ANK2: variants seen among roughly 807,000 people sequenced by gnomAD.
ANK2 encodes ankyrin-2.
In ANK2, 83 loss-of-function variants were observed where a neutral mutation model predicts 360.5. The ratio of observed to expected loss-of-function variants is 0.23; its 90% CI spans 0.19 to 0.28. The LOEUF (loss-of-function observed/expected upper bound fraction) is 0.28, where lower values mean the gene tolerates loss of function less well. Ranked by LOEUF, ANK2 falls within the 10% of genes least tolerant of loss-of-function variation. The pLI is 1.00. For synonymous variants in ANK2, 1,740 were observed against 1,759.5 expected (o/e 0.99, Z 0.28); for missense variants, 4,201 against 4,795.7 (o/e 0.88, Z 3.66).
At chr4:112,721,287 C>A in the ANK2 span, among the ~76,000 whole-genome samples, 5 of 152,096 alleles carry the variant, frequency 3.3e-5, no homozygotes, top group African/African-American at 7.2e-5. Context: ...CACCTGTAAT[C>A]CCAGCACTTT....
At chr4:113,093,872 A>G (rs2089774105) in intron 1 of ANK2, among the ~76,000 whole-genome samples, 1 of 152,210 alleles carries the variant, frequency 6.6e-6, no homozygotes, top group African/African-American at 2.4e-5. Flanking sequence ...CTTTTATGTT[A>G]GTAGAGTCTG....
intron 2 of ANK2, among the ~76,000 whole-genome samples, chr4:112,924,088 T>A (rs551845225): frequency 3.8e-4 from 58 of 152,288 alleles, no homozygotes; most frequent in African/African-American, 1.3e-3. Context: ...AGATGTGAGC[T>A]GGCTGGCGCA....
chr4:112,742,788 G>A, the ANK2 span, among the ~76,000 whole-genome samples: 22 of 151,056 alleles, frequency 1.5e-4, no homozygotes, highest in African/African-American at 4.9e-4. Context: ...ACAGTGGCAT[G>A]ATCTCGGCTC....
intron 1 of ANK2, among the ~76,000 whole-genome samples, chr4:112,902,449 C>A (rs969009435): frequency 4.6e-5 from 7 of 152,334 alleles, no homozygotes; most frequent in Admixed American, 3.3e-4. Flanking sequence ...ACTTGGTCCA[C>A]AATTAATATT....
At chr4:113,007,306 C>A (rs1464248704) in intron 2 of ANK2, among the ~76,000 whole-genome samples, 1 of 152,154 alleles carries the variant, frequency 6.6e-6, no homozygotes, top group Non-Finnish European at 1.5e-5. Flanking sequence ...CGTTTTCACA[C>A]ATATGGCCAC....
At chr4:112,797,140 AT>A in the ANK2 span, 3 of 190,672 alleles carry the variant, frequency 1.6e-5, no homozygotes, top group Admixed American at 5.0e-5. Context: ...GCTAAGGGCA[AT>A]TTTTTTCTCC....
intron 1 of ANK2, among the ~76,000 whole-genome samples, chr4:112,860,375 C>T (rs530884748): frequency 2.6e-4 from 40 of 152,180 alleles, no homozygotes; most frequent in East Asian, 7.8e-4. Flanking sequence ...TACAGGTGCG[C>T]GCCACCATGC....
At chr4:113,224,089 A>C (rs1356343689) in intron 4 of ANK2, among the ~76,000 whole-genome samples, 1 of 152,162 alleles carries the variant, frequency 6.6e-6, no homozygotes, top group Non-Finnish European at 1.5e-5. Flanking sequence ...AAGGGCAGTG[A>C]CTTTTAAACC....
the ANK2 span, among the ~76,000 whole-genome samples, chr4:112,735,557 C>T: frequency 6.6e-6 from 1 of 152,134 alleles, no homozygotes; most frequent in Admixed American, 6.6e-5. Flanking sequence ...CATCTTCCCA[C>T]AAGGGGGCTT....
chr4:113,246,974 C>T (rs774254240), intron 9 of ANK2, among the ~76,000 whole-genome samples: 2 of 152,022 alleles, frequency 1.3e-5, no homozygotes, highest in Non-Finnish European at 2.9e-5. Flanking sequence ...TCAGCAGAGC[C>T]TACCCATGTA....
At chr4:112,787,326 G>T in the ANK2 span, among the ~76,000 whole-genome samples, 1 of 152,050 alleles carries the variant, frequency 6.6e-6, no homozygotes, top group Non-Finnish European at 1.5e-5. Context: ...TACTCCCCTC[G>T]ATAAACCCTC....
chr4:112,721,056 C>T, the ANK2 span, among the ~76,000 whole-genome samples: 1 of 152,038 alleles, frequency 6.6e-6, no homozygotes, highest in African/African-American at 2.4e-5. Context: ...AATCCCAGAA[C>T]CCCCAAGGTT....
intron 20 of ANK2, among the ~76,000 whole-genome samples, chr4:113,289,406 A>G (rs1362046991): frequency 6.6e-6 from 1 of 151,732 alleles, no homozygotes; most frequent in African/African-American, 2.4e-5. Context: ...ATGAGGTTTC[A>G]CTGTGTTGCC....
At chr4:112,730,069 T>A in the ANK2 span, among the ~76,000 whole-genome samples, 1 of 151,356 alleles carries the variant, frequency 6.6e-6, no homozygotes. Flanking sequence ...GCCTGGCCAA[T>A]ATGGTGAAAC....
chr4:112,750,427 A>T, the ANK2 span, among the ~76,000 whole-genome samples: 1 of 152,210 alleles, frequency 6.6e-6, no homozygotes. Flanking sequence ...ATATGTTTAG[A>T]TACACAAATA....
At chr4:112,929,146 C>G (rs562998922) in intron 2 of ANK2, among the ~76,000 whole-genome samples, 119 of 152,326 alleles carry the variant, frequency 7.8e-4, no homozygotes, top group African/African-American at 2.7e-3. Flanking sequence ...AGCCACCACA[C>G]CCAGCCTCCA....
At chr4:112,707,667 G>A in the ANK2 span, among the ~76,000 whole-genome samples, 1 of 151,994 alleles carries the variant, frequency 6.6e-6, no homozygotes, top group Non-Finnish European at 1.5e-5. Context: ...ATATATGTAT[G>A]CACACATACA....
chr4:113,075,485 T>C (rs2079546461), intron 1 of ANK2, among the ~76,000 whole-genome samples: 1 of 152,192 alleles, frequency 6.6e-6, no homozygotes. Flanking sequence ...ACATCACCTC[T>C]GAAAATGCAT....
Position 113,151,151 on chromosome 4 carries a change from A to G in ANK2, c.85-23265A>G, listed in dbSNP as rs752241640. 9.3e-6 allele frequency: 12 copies of G among 1,284,956 alleles called. 1 individual carries two copies. In the South Asian group the frequency reaches 1.4e-4, roughly 15 times the overall value. The allele number at this position is 1,284,956 out of a possible 1,614,324, so 79.6% of individuals were successfully genotyped here. ...TGATGGAAGCAAAAAAACACTTCTA[A>G]AAACAGTAAAGACGTTGGTAACTAA... On this transcript the variant is annotated intron_variant, in intron 1 of 45. Coordinates refer to ENST00000357077, the MANE Select transcript of ANK2 (RefSeq NM_001148.6).
Sources: allele counts gnomAD v4.1 joint callset (sites outside exome capture counted in the v4.1 genomes callset), GRCh38; gene constraint gnomAD v4.1.1; transcripts MANE v1.5; gene names NCBI Gene and HGNC (gene_info 2026-07-23, HGNC 2026-07-21).